CDK19: variants seen among roughly 807,000 people sequenced by gnomAD.
CDK19 encodes cyclin-dependent kinase 19.
In CDK19, 20 loss-of-function variants were observed where a neutral mutation model predicts 68.3. The observed-to-expected ratio is 0.29, with a 90% CI of 0.21 to 0.43. CDK19 has a LOEUF of 0.43. Among genes scored for constraint, CDK19 ranks in the 20% least tolerant of loss-of-function variants. The pLI is 1.00. For missense variants in CDK19, 339 were observed against 623.5 expected, an observed-to-expected ratio of 0.54 and a Z score of 4.86; for synonymous variants, 221 against 222.8, an observed-to-expected ratio of 0.99 and a Z score of 0.07.
At chr6:110,630,098 G>A (rs905911169) in intron 6 of CDK19, among the ~76,000 whole-genome samples, 1 of 152,138 alleles carries the variant, frequency 6.6e-6, no homozygotes, top group Non-Finnish European at 1.5e-5. Flanking sequence ...AAGTATATGG[G>A]TCCCGCACAA....
At chr6:110,718,348 G>A (rs1775565683) in intron 2 of CDK19, among the ~76,000 whole-genome samples, 1 of 152,142 alleles carries the variant, frequency 6.6e-6, no homozygotes, top group African/African-American at 2.4e-5. Flanking sequence ...TATTCGAGGT[G>A]TGGAATTAGC....
rs9487488 is a variant in CDK19, at chr6:110,689,031, T to C, written c.205-18490A>G. 7.9e-3 allele frequency among the ~76,000 whole-genome samples: 1,196 copies of C among 152,236 alleles called. 25 individuals are homozygous for C. Among genetic ancestry groups the C allele is most frequent in the African/African-American group, 0.028 (1,144 of 41,536 alleles). The stretch of plus-strand genomic sequence containing the variant: ...CTGGGGCAGTTTTGAGTTCTGAGCA[T>C]ACACAGCCTGAACTTAGCTCATTGC... On this transcript the variant is annotated intron_variant, in intron 2 of 12. Transcript: ENST00000368911.
chr6:110,814,878 G>T, intron 1 of CDK19, 131 bp downstream of exon 1: 1 of 1,261,308 alleles, frequency 7.9e-7, no homozygotes, highest in Non-Finnish European at 1.1e-6. Context: ...TCGGTGTCCG[G>T]ACGCAACCCC....
At chr6:110,798,372 C>A (rs561487909) in intron 1 of CDK19, among the ~76,000 whole-genome samples, 2 of 152,074 alleles carry the variant, frequency 1.3e-5, no homozygotes, top group African/African-American at 4.8e-5. Context: ...TGCCTGTGAT[C>A]CCAGCACTTT....
intron 2 of CDK19, among the ~76,000 whole-genome samples, chr6:110,726,983 C>T (rs1184769737): frequency 6.6e-6 from 1 of 152,120 alleles, no homozygotes; most frequent in Non-Finnish European, 1.5e-5. Flanking sequence ...TATTCAGTGG[C>T]ACATCTTCAT....
chr6:110,775,195 A>G (rs921450248), intron 1 of CDK19, among the ~76,000 whole-genome samples: 1 of 151,614 alleles, frequency 6.6e-6, no homozygotes, highest in African/African-American at 2.4e-5. Flanking sequence ...CAGTGAGCCA[A>G]GATCACACCA....
In CDK19 at chr6:110,641,605, A is replaced by G. The variant is rs530468362; in HGVS notation, c.457-2899T>C. On this transcript the variant is annotated intron_variant, in intron 4 of 12. Transcript: ENST00000368911. The stretch of plus-strand genomic sequence containing the variant: ...GTGAGACTCCATCAAAAAAAAAAAA[A>G]AAAAAGAAAAAGAAAGGAGAGGAAA... Among the ~76,000 whole-genome samples the G allele has an allele frequency of 2.5e-3, 376 of 149,696 alleles. 1 individual carries two copies. The highest frequency in any genetic ancestry group is 8.3e-3 in the African/African-American group (336 of 40,556).
At chr6:110,760,560 G>A (rs943137273) in intron 1 of CDK19, among the ~76,000 whole-genome samples, 2 of 151,610 alleles carry the variant, frequency 1.3e-5, no homozygotes, top group Admixed American at 6.6e-5. Flanking sequence ...AGACCCTGTC[G>A]CTACAAAAAA....
At chr6:110,618,090 G>T (rs1291970371) in intron 12 of CDK19, among the ~76,000 whole-genome samples, 6 of 151,872 alleles carry the variant, frequency 4.0e-5, no homozygotes, top group Admixed American at 2.6e-4. Flanking sequence ...TTTGGTTAAA[G>T]AAACCCATAA....
chr6:110,614,216 T>G lies in CDK19; in HGVS notation c.*319A>C. ...ATAAACCATAGTGATTGCTACAGCA[T>G]GAGAAAGGTGCACCAGGAAATCCTT... is the stretch of plus-strand genomic sequence containing the variant. On this transcript the variant is annotated 3_prime_UTR_variant, in exon 13 of 13. Transcript: ENST00000368911. The G allele has an allele frequency of 4.6e-6, 1 of 218,692 alleles. No individual in the cohort carries two copies. Among genetic ancestry groups the G allele is most frequent in the Non-Finnish European group, 9.1e-6 (1 of 109,518 alleles). The allele number at this position is 218,692 out of a possible 1,614,324, so 13.5% of individuals were successfully genotyped here.
At chr6:110,792,905 T>C (rs7349909) in intron 1 of CDK19, among the ~76,000 whole-genome samples, 3 of 152,210 alleles carry the variant, frequency 2.0e-5, no homozygotes, top group East Asian at 1.9e-4. Context: ...GAGACTTTTA[T>C]ACATTTTGAC....
At chr6:110,691,389 G>T (rs1772973806) in intron 2 of CDK19, among the ~76,000 whole-genome samples, 1 of 151,742 alleles carries the variant, frequency 6.6e-6, no homozygotes, top group South Asian at 2.1e-4. Flanking sequence ...CAAGAGAATT[G>T]CTTGAACCCA....
Position 110,621,421 on chromosome 6 carries a change from T to C in CDK19, c.1111-51A>G. ...GGTATGAAACCAAATTAACAGGAGCTTTCTTTAATTATTTGATATGCACAT... is the reference window on the plus strand; with the variant it reads ...GGTATGAAACCAAATTAACAGGAGCCTTCTTTAATTATTTGATATGCACAT... On this transcript the variant is annotated intron_variant, in intron 11 of 12. Coordinates refer to ENST00000368911, the MANE Select transcript of CDK19 (RefSeq NM_015076.5). This position sits in a 1 kb window ranked among gnomAD's most constrained non-coding sequence, Gnocchi z 5.4. 6.6e-7 allele frequency: 1 copy of C among 1,510,738 alleles called. No homozygotes were observed. The highest frequency in any genetic ancestry group is 8.8e-7 in the Non-Finnish European group (1 of 1,129,972). The allele number at this position is 1,510,738 out of a possible 1,614,324, so 93.6% of individuals were successfully genotyped here.
chr6:110,689,689 T>G (rs1454656163), intron 2 of CDK19, among the ~76,000 whole-genome samples: 1 of 152,226 alleles, frequency 6.6e-6, no homozygotes, highest in African/African-American at 2.4e-5. Flanking sequence ...CTAAGGAATC[T>G]CGGAGTCTGC....
intron 2 of CDK19, among the ~76,000 whole-genome samples, chr6:110,725,173 G>A (rs1360828925): frequency 6.6e-6 from 1 of 152,014 alleles, no homozygotes; most frequent in Non-Finnish European, 1.5e-5. Context: ...GATATCTTAT[G>A]GCTCTGTAGC....
At chr6:110,805,035 G>A (rs1782585303) in intron 1 of CDK19, among the ~76,000 whole-genome samples, 1 of 151,752 alleles carries the variant, frequency 6.6e-6, no homozygotes, top group African/African-American at 2.4e-5. Context: ...TTCTGGATAA[G>A]AACTCAAACC....
rs569062594 is a variant in CDK19 at position 110,652,082 on chromosome 6, A to G, written c.457-13376T>C. ...GAGCAAGATCCTGTCTCAAAAAAGAAACAAACAAACAACAACAACAAAAAC... is the reference window on the plus strand; with the variant it reads ...GAGCAAGATCCTGTCTCAAAAAAGAGACAAACAAACAACAACAACAAAAAC... On this transcript the variant is annotated intron_variant, in intron 4 of 12. Coordinates refer to ENST00000368911, the MANE Select transcript of CDK19 (RefSeq NM_015076.5). Among the ~76,000 whole-genome samples, 7 of 151,886 alleles carry G rather than the reference A, an allele frequency of 4.6e-5. No individual in the cohort carries two copies. In the East Asian group the frequency reaches 1.4e-3, roughly 29 times the overall value.
chr6:110,730,614 T>C lies in CDK19; in HGVS notation c.204+15512A>G, dbSNP rs777585831. On this transcript the variant is annotated intron_variant, in intron 2 of 12. Transcript: ENST00000368911. ...AAACTCAACAGATTGGAATAATTTT[T>C]CTAGATTAGTACCAGCTGCTATTCA... 1.9e-3 allele frequency among the ~76,000 whole-genome samples: 290 copies of C among 152,344 alleles called. 2 individuals carry two copies. The highest frequency in any genetic ancestry group is 2.7e-3 in the Non-Finnish European group (187 of 68,028).
chr6:110,646,273 GC>G, intron 4 of CDK19: 1 of 1,505,932 alleles, frequency 6.6e-7, no homozygotes, highest in Non-Finnish European at 8.8e-7. Context: ...TGCGTGTGCT[GC>G]CCCGCCAACA....
Sources: gnomAD v4.1 joint callset for allele counts (sites outside exome capture counted in the v4.1 genomes callset) on GRCh38, gnomAD v4.1.1 for gene constraint, Gnocchi (gnomAD v3.1) non-coding constraint, MANE v1.5 for transcripts, NCBI Gene and HGNC (gene_info 2026-07-23, HGNC 2026-07-21) for gene names.